The following GPA33 variants were observed in gnomAD, a reference collection of about 807,000 sequenced individuals.
GPA33 encodes the protein cell surface A33 antigen.
A neutral mutation model predicts 35.6 loss-of-function variants in GPA33; 27 were observed. That is an observed-to-expected ratio of 0.76 (90% CI 0.56 to 1.04). The LOEUF is 1.04. GPA33 is among the 50% of genes least tolerant of loss of function. GPA33 has a pLI of 0.00. For missense variants in GPA33, 428 were observed against 411.9 expected (o/e 1.04, Z -0.34); for synonymous variants, 176 against 164.0 (o/e 1.07, Z -0.56).
chr1:167,081,872 C>G (rs192353380), intron 1 of GPA33, among the ~76,000 whole-genome samples: 2 of 152,318 alleles, frequency 1.3e-5, no homozygotes, highest in Admixed American at 6.5e-5. Context: ...CTACACTGAG[C>G]TGGGTCCTAA....
chr1:167,073,851 G>T (rs1241308832), intron 1 of GPA33, among the ~76,000 whole-genome samples: 1 of 152,082 alleles, frequency 6.6e-6, no homozygotes, highest in African/African-American at 2.4e-5. Context: ...CAATAAAATA[G>T]GAGCTCTAAT....
chr1:167,085,457 A>G lies in GPA33; in HGVS notation c.43+4788T>C, dbSNP rs188761791. Among the ~76,000 whole-genome samples, 5 of 152,320 alleles carry G rather than the reference A, an allele frequency of 3.3e-5. No individual in the cohort carries two copies. The East Asian group carries it at 9.7e-4, about 29-fold the overall frequency. On this transcript the variant is annotated intron_variant, in intron 1 of 6. Transcript: ENST00000367868. Reference sequence around the variant, plus strand: ...GCATCACAATAGGCAGCATGGTTGTATTACCAAAAAGCCCTGAGAGGGGAC... The same window carrying G: ...GCATCACAATAGGCAGCATGGTTGTGTTACCAAAAAGCCCTGAGAGGGGAC...
At chr1:167,071,427 G>A (rs988605988) in intron 2 of GPA33, among the ~76,000 whole-genome samples, 6 of 152,228 alleles carry the variant, frequency 3.9e-5, no homozygotes, top group East Asian at 1.9e-4. Flanking sequence ...ACACCTGTGC[G>A]TGCAGTGCGC....
chr1:167,052,878 G>C lies in GPA33; in HGVS notation c.*1456C>G, dbSNP rs1484787812. The C allele has an allele frequency of 6.6e-6, 1 of 152,108 alleles. No homozygotes were observed. Among genetic ancestry groups the C allele is most frequent in the Non-Finnish European group, 1.5e-5 (1 of 68,036 alleles). 9.4% of individuals were successfully genotyped at this position (152,108 alleles called of 1,614,324 possible). On this transcript the variant is annotated 3_prime_UTR_variant, in exon 7 of 7. Coordinates refer to ENST00000367868, the MANE Select transcript of GPA33 (RefSeq NM_005814.3). ...AATTTTATTATTACTGAAAGCATTT[G>C]GAATGAAGCAAAGGATTTAACAATA... is the stretch of plus-strand genomic sequence containing the variant.
At position 167,055,128 on chromosome 1, in the gene GPA33, C is replaced by T. The variant is rs773966640; in HGVS notation, c.692-17G>A. 1.9e-6 allele frequency: 3 copies of T among 1,611,146 alleles called. No homozygotes were observed. The East Asian group carries it at 6.7e-5, about 36-fold the overall frequency. On this transcript the variant is annotated splice_polypyrimidine_tract_variant and intron_variant, in intron 5 of 6. Transcript: ENST00000367868. The stretch of plus-strand genomic sequence containing the variant: ...TCATGGAGGCTGCAAGAGGACAGAG[C>T]AGCTGCACTTGCCGAGCTTCTAAGC...
At position 167,053,625 on chromosome 1, in the gene GPA33, A is replaced by C. The variant is rs536604410; in HGVS notation, c.*709T>G. On this transcript the variant is annotated 3_prime_UTR_variant, in exon 7 of 7. Coordinates refer to ENST00000367868, the MANE Select transcript of GPA33 (RefSeq NM_005814.3). ...CAGGATTGTTTCCACGTATGTGGAC[A>C]ATTAGGATAGGGTTAGAGAAATCCT... is the stretch of plus-strand genomic sequence containing the variant. 6.6e-6 allele frequency: 1 copy of C among 152,310 alleles called. No individual in the cohort carries two copies. The highest frequency in any genetic ancestry group is 1.5e-5 in the Non-Finnish European group (1 of 68,122). 9.4% of individuals were successfully genotyped at this position (152,310 alleles called of 1,614,324 possible). A position where few individuals can be genotyped will look rare whatever the true frequency, so the allele number is the denominator to read the frequency against.
intron 1 of GPA33, among the ~76,000 whole-genome samples, chr1:167,075,511 A>G (rs984560474): frequency 1.3e-5 from 2 of 152,174 alleles, no homozygotes; most frequent in Non-Finnish European, 2.9e-5. Flanking sequence ...CGTTTACTGA[A>G]ATGACAACAG....
At chr1:167,070,806 C>A (rs775750234) in intron 2 of GPA33, among the ~76,000 whole-genome samples, 1 of 152,022 alleles carries the variant, frequency 6.6e-6, no homozygotes, top group Non-Finnish European at 1.5e-5. Flanking sequence ...GTGGGGGCAC[C>A]AATGAGACCA....
At chr1:167,057,305 G>A (rs973848847) in intron 4 of GPA33, among the ~76,000 whole-genome samples, 1 of 151,978 alleles carries the variant, frequency 6.6e-6, no homozygotes, top group Non-Finnish European at 1.5e-5. Context: ...CTTTGTGCTT[G>A]GGCATATGTA....
intron 1 of GPA33, among the ~76,000 whole-genome samples, chr1:167,089,691 T>C (rs576914023): frequency 2.6e-4 from 40 of 152,312 alleles, no homozygotes; most frequent in African/African-American, 9.6e-4. Flanking sequence ...CCCAGAATTT[T>C]CAATGACCAG....
intron 1 of GPA33, among the ~76,000 whole-genome samples, chr1:167,085,859 G>C (rs1200386807): frequency 6.6e-6 from 1 of 152,192 alleles, no homozygotes; most frequent in African/African-American, 2.4e-5. Context: ...CACCTAGACT[G>C]CACATCAGAA....
chr1:167,079,546 C>G (rs1399991522), intron 1 of GPA33, among the ~76,000 whole-genome samples: 1 of 151,952 alleles, frequency 6.6e-6, no homozygotes, highest in Non-Finnish European at 1.5e-5. Flanking sequence ...GTGGAGCACT[C>G]TTTCAATGTT....
chr1:167,057,709 A>C (rs904013963), intron 4 of GPA33, among the ~76,000 whole-genome samples: 15 of 152,234 alleles, frequency 9.9e-5, no homozygotes, highest in Non-Finnish European at 1.9e-4. Flanking sequence ...TGTGCTGCTC[A>C]GTACACATCC....
chr1:167,072,523 A>G (rs557031969), intron 2 of GPA33, among the ~76,000 whole-genome samples: 3 of 152,294 alleles, frequency 2.0e-5, no homozygotes, highest in South Asian at 2.1e-4. Context: ...CCTTTTTCAC[A>G]TGACCCAGAG....
At chr1:167,065,529 G>C (rs781528808) in intron 3 of GPA33, among the ~76,000 whole-genome samples, 20 of 152,140 alleles carry the variant, frequency 1.3e-4, no homozygotes, top group Non-Finnish European at 2.5e-4. Context: ...TGGATGGCTT[G>C]CTCGCTCAAT....
intron 3 of GPA33, among the ~76,000 whole-genome samples, chr1:167,065,046 G>A (rs1666561787): frequency 6.6e-6 from 1 of 152,164 alleles, no homozygotes; most frequent in South Asian, 2.1e-4. Flanking sequence ...CTTTCACTCA[G>A]CATTGTCAAG....
intron 2 of GPA33, among the ~76,000 whole-genome samples, chr1:167,070,835 C>T (rs1029935272): frequency 6.6e-5 from 10 of 152,170 alleles, no homozygotes; most frequent in African/African-American, 1.9e-4. Flanking sequence ...GGAGAAGATC[C>T]GATGGACAGA....
At chr1:167,061,624 C>T (rs1189156911) in intron 4 of GPA33, among the ~76,000 whole-genome samples, 1 of 107,782 alleles carries the variant, frequency 9.3e-6, no homozygotes, top group Admixed American at 1.5e-4. Context: ...GAGACGGAGT[C>T]TCGCTCTGTT....
chr1:167,082,790 T>C (rs1384135275), intron 1 of GPA33, among the ~76,000 whole-genome samples: 1 of 152,238 alleles, frequency 6.6e-6, no homozygotes, highest in Admixed American at 6.5e-5. Context: ...GAAGCGTCTG[T>C]CTGTCGCCAT....
Sources: gnomAD v4.1 joint callset for allele counts (sites outside exome capture counted in the v4.1 genomes callset) on GRCh38, gnomAD v4.1.1 for gene constraint, MANE v1.5 for transcripts, NCBI Gene and HGNC (gene_info 2026-07-23, HGNC 2026-07-21) for gene names.